Variants in MYO18A observed in about 807,000 individuals in gnomAD.
The protein encoded by MYO18A is unconventional myosin-XVIIIa.
A neutral mutation model predicts 235.8 loss-of-function variants in MYO18A; 78 were observed. The ratio of observed to expected loss-of-function variants is 0.33; its 90% CI spans 0.28 to 0.40. The LOEUF (loss-of-function observed/expected upper bound fraction) is 0.40. Ranked by LOEUF, MYO18A falls within the 10% of genes least tolerant of loss-of-function variation. MYO18A has a pLI of 1.00. For synonymous variants in MYO18A, 977 were observed against 1,077.8 expected (o/e 0.91, Z 1.83); for missense variants, 2,215 against 2,699.3 (o/e 0.82, Z 3.98).
chr17:29,173,405 T>C (rs2068450980), intron 1 of MYO18A, among the ~76,000 whole-genome samples: 1 of 150,028 alleles, frequency 6.7e-6, no homozygotes, highest in Non-Finnish European at 1.5e-5. Flanking sequence ...TTTTTTTTTT[T>C]TGAGACGCAG....
At chr17:29,103,516 C>T in intron 21 of MYO18A, 83 bp downstream of exon 21, 1 of 1,369,270 alleles carries the variant, frequency 7.3e-7, no homozygotes, top group Non-Finnish European at 1.0e-6. Flanking sequence ...TCTGGCTGAG[C>T]AAAGAGAACA....
chr17:29,149,478 C>G (rs1374425606), intron 2 of MYO18A, among the ~76,000 whole-genome samples: 3 of 152,136 alleles, frequency 2.0e-5, no homozygotes, highest in Non-Finnish European at 4.4e-5. Flanking sequence ...CTCTGACACT[C>G]CCCCCAGCCC....
Position 29,121,295 on chromosome 17 carries a change from T to C in MYO18A, c.1372-84A>G, listed in dbSNP as rs2067193756. 6.9e-7 allele frequency: 1 copy of C among 1,442,034 alleles called. No individual in the cohort carries two copies. Among genetic ancestry groups the C allele is most frequent in the African/African-American group, 1.4e-5 (1 of 70,814 alleles). The allele number at this position is 1,442,034 out of a possible 1,614,324, so 89.3% of individuals were successfully genotyped here. A position where few individuals can be genotyped will look rare whatever the true frequency, so the allele number is the denominator to read the frequency against. On this transcript the variant is annotated intron_variant, in intron 5 of 41. Transcript: ENST00000527372. This position sits in a 1 kb window ranked among gnomAD's most constrained non-coding sequence, Gnocchi z 4.2. ...CCCCTCACCCCCAAGGTCCACATCT[T>C]TCTGGATTTTCCCTCCTGTAGTGCC...
intron 21 of MYO18A, among the ~76,000 whole-genome samples, chr17:29,101,262 T>C (rs1368618066): frequency 6.6e-6 from 1 of 151,814 alleles, no homozygotes; most frequent in African/African-American, 2.4e-5. Flanking sequence ...CCTCCCAAAG[T>C]ACTGAGATTA....
chr17:29,129,227 C>G, intron 2 of MYO18A: 1 of 737,796 alleles, frequency 1.4e-6, no homozygotes, highest in Non-Finnish European at 2.0e-6. Flanking sequence ...TCTATGTTCT[C>G]AAGCACTGAG....
chr17:29,086,525 A>G lies in MYO18A; in HGVS notation c.5765T>C (p.Leu1922Pro). 6.2e-7 allele frequency: 1 copy of G among 1,612,966 alleles called. No homozygotes were observed. The highest frequency in any genetic ancestry group is 8.5e-7 in the Non-Finnish European group (1 of 1,179,522). Residue 1922 changes from leucine (L) to proline (P), a missense_variant, in exon 39 of 42, where the codon CTA becomes CCA. Leu to Pro is a moderately conservative substitution (Grantham distance 98, BLOSUM62 -3). Transcript: ENST00000527372. ...EAANQSLQAD[L>P]KLAFKRIGDL... ...CCCGATGCGCTTGAATGCCAACTTT[A>G]GGTCAGCCTGCAGGCTCTGGTTAGC...
intron 1 of MYO18A, among the ~76,000 whole-genome samples, chr17:29,167,939 T>A (rs2068319114): frequency 6.6e-6 from 1 of 152,142 alleles, no homozygotes; most frequent in African/African-American, 2.4e-5. Context: ...ACATGCACTA[T>A]CTCCTCTGAA....
chr17:29,117,431 ACCCTACCCCAC>A lies in MYO18A; in HGVS notation c.2038+603_2038+613del, dbSNP rs375719928. Among the ~76,000 whole-genome samples, 1 of 151,936 alleles carries A rather than the reference ACCCTACCCCAC, an allele frequency of 6.6e-6. No homozygotes were observed. The highest frequency in any genetic ancestry group is 2.4e-5 in the African/African-American group (1 of 41,364). On this transcript the variant is annotated intron_variant, in intron 10 of 41. Coordinates refer to ENST00000527372, the MANE Select transcript of MYO18A (RefSeq NM_078471.4). This position sits in a 1 kb window ranked among gnomAD's most constrained non-coding sequence, Gnocchi z 4.6. ...TGGGGAGGCCCCAGGTAGCAAGCCCACCCTACCCCACCCCACGGTGGGCATCCTGAGAGGTT... is the reference window on the plus strand; with the variant it reads ...TGGGGAGGCCCCAGGTAGCAAGCCCACCCACGGTGGGCATCCTGAGAGGTT...
chr17:29,139,436 G>A (rs11871612), intron 2 of MYO18A, among the ~76,000 whole-genome samples: 4,027 of 152,166 alleles, frequency 0.026, 190 homozygotes, highest in African/African-American at 0.091. Flanking sequence ...CCCCACCCCC[G>A]GGCATACTGC....
rs374453767 is a variant in MYO18A, at chr17:29,080,582, C to T, written c.6020+1734G>A. Reference sequence around the variant, plus strand: ...AGCCGGGAGGTGCTGCGGCGGGAACCGGGCGAGCCCGACAGCGAGAAACTC... The same window carrying T: ...AGCCGGGAGGTGCTGCGGCGGGAACTGGGCGAGCCCGACAGCGAGAAACTC... On this transcript the variant is annotated intron_variant, in intron 41 of 41. Transcript: ENST00000527372. The T allele has an allele frequency of 1.1e-5, 11 of 985,684 alleles. No homozygotes were observed. In the East Asian group the frequency reaches 6.8e-4, roughly 61 times the overall value. The allele number at this position is 985,684 out of a possible 1,614,324, so 61.1% of individuals were successfully genotyped here.
intron 13 of MYO18A, 103 bp downstream of exon 13, chr17:29,115,248 C>G (rs528028809): frequency 6.9e-7 from 1 of 1,454,268 alleles, no homozygotes; most frequent in South Asian, 1.2e-5. Flanking sequence ...GACAGGGAGC[C>G]CCTGCTGGAA....
intron 17 of MYO18A, among the ~76,000 whole-genome samples, chr17:29,110,827 G>A (rs754049455): frequency 2.6e-4 from 39 of 152,284 alleles, no homozygotes; most frequent in Non-Finnish European, 4.0e-4. Flanking sequence ...AGCCAGAGGT[G>A]GGCAGAAGCC....
In MYO18A at chr17:29,088,247, G is replaced by A. The variant is rs544885557; in HGVS notation, c.5527-1126C>T. 2.0e-5 allele frequency among the ~76,000 whole-genome samples: 3 copies of A among 151,624 alleles called. No individual in the cohort carries two copies. In the East Asian group the frequency reaches 5.8e-4, roughly 29 times the overall value. ...TGTTTTGTATTTTTAGTAGAGACAG[G>A]GTTTCACCGTGTTAGCCAGGATGGT... On this transcript the variant is annotated intron_variant, in intron 37 of 41. Coordinates refer to ENST00000527372, the MANE Select transcript of MYO18A (RefSeq NM_078471.4).
Position 29,120,558 on chromosome 17 carries a change from G to C in MYO18A, c.1728+58C>G. ...GGCATGGGAGAGAGCCTGATGTCTA[G>C]GTCATGAAATCATGTGGCCTGTGTC... On this transcript the variant is annotated intron_variant, in intron 7 of 41. Transcript: ENST00000527372. The surrounding 1 kb of genome is among the most constrained non-coding windows in gnomAD (Gnocchi z 4.2). 1 of 1,568,228 alleles carries C rather than the reference G, an allele frequency of 6.4e-7. No individual in the cohort carries two copies. The highest frequency in any genetic ancestry group is 8.7e-7 in the Non-Finnish European group (1 of 1,155,858).
rs145994854 is a variant in MYO18A, at chr17:29,121,575, C to T, written c.1343G>A (p.Arg448His). ...CTCAGAGTACACAGCAGGGGCCCCA[C>T]GGGGGCCAAGAACCAGCAGGCTGGG... Reference protein sequence around the residue: ...AGPSLLVLGPRGAPAVYSEKV... With the variant: ...AGPSLLVLGPHGAPAVYSEKV... Residue 448 changes from arginine to histidine, a missense_variant, in exon 5 of 42, where the codon CGT (arginine) becomes CAT (histidine). By Grantham distance (29) the Arg-to-His change is conservative (BLOSUM62 0). Transcript: ENST00000527372. This position sits in a 1 kb window ranked among gnomAD's most constrained non-coding sequence, Gnocchi z 4.2. 7.4e-5 allele frequency: 118 copies of T among 1,604,220 alleles called. No individual in the cohort carries two copies. The East Asian group carries it at 1.7e-3, about 23-fold the overall frequency.
chr17:29,173,651 G>A (rs991185568), intron 1 of MYO18A, among the ~76,000 whole-genome samples: 20 of 152,190 alleles, frequency 1.3e-4, no homozygotes, highest in Non-Finnish European at 2.9e-4. Context: ...CTCCCAAAGT[G>A]CTGGGATTAC....
chr17:29,114,127 A>G (rs1033252022), intron 14 of MYO18A, 30 bp from the exon 15 acceptor site: 11 of 1,532,378 alleles, frequency 7.2e-6, no homozygotes, highest in Non-Finnish European at 9.8e-6. Flanking sequence ...GGTAGTGAGC[A>G]TGGGGGTCAC....
chr17:29,173,638 C>T (rs981187475), intron 1 of MYO18A, among the ~76,000 whole-genome samples: 2 of 151,356 alleles, frequency 1.3e-5, no homozygotes, highest in Admixed American at 6.6e-5. Context: ...CCGCCCGCCT[C>T]GGCTCCCAAA....
chr17:29,166,932 G>A lies in MYO18A; in HGVS notation c.9C>T (p.Asn3=), dbSNP rs34478330. 7.5e-3 allele frequency: 11,524 copies of A among 1,538,928 alleles called. 73 individuals carry two copies. Among genetic ancestry groups the A allele is most frequent in the Middle Eastern group, 0.02 (116 of 5,920 alleles). The change falls in exon 2 of 42, where the codon AAC becomes AAT. Residue 3 remains asparagine, a synonymous_variant. Coordinates refer to ENST00000527372, the MANE Select transcript of MYO18A (RefSeq NM_078471.4). ...CTTTGTCCTTGTCTTTCTTCATTAG[G>A]TTAAACATGGTGGGGGTGCTGTTTG... The part of the protein sequence containing the change: MF[N]LMKKDKDKDG...
Sources: allele counts gnomAD v4.1 joint callset (sites outside exome capture counted in the v4.1 genomes callset), GRCh38; gene constraint gnomAD v4.1.1; non-coding constraint Gnocchi (gnomAD v3.1); transcripts MANE v1.5; gene names NCBI Gene and HGNC (gene_info 2026-07-23, HGNC 2026-07-21).